The following CPNE4 variants were observed in gnomAD, a reference collection of about 807,000 sequenced individuals.
The protein encoded by CPNE4 is copine-4.
CPNE4 carries 25 observed loss-of-function variants against 67.9 expected under a neutral mutation model. The ratio of observed to expected loss-of-function variants is 0.37; its 90% CI spans 0.27 to 0.51. CPNE4 has a LOEUF of 0.51. CPNE4 is among the 20% of genes least tolerant of loss of function. CPNE4 has a pLI of 0.93. For synonymous variants in CPNE4, 242 were observed against 244.9 expected (o/e 0.99, Z 0.11); for missense variants, 464 against 690.8 (o/e 0.67, Z 3.68).
chr3:131,649,263 G>C (rs1413938107), intron 7 of CPNE4, among the ~76,000 whole-genome samples: 1 of 152,192 alleles, frequency 6.6e-6, no homozygotes, highest in Non-Finnish European at 1.5e-5. Flanking sequence ...CTGATAGATG[G>C]TTCTCACACA....
At position 131,664,050 on chromosome 3, in the gene CPNE4, A is replaced by G. The variant is rs138188877; in HGVS notation, c.681+5625T>C. Among the ~76,000 whole-genome samples, 7 of 152,290 alleles carry G rather than the reference A, an allele frequency of 4.6e-5. No homozygotes were observed. In the East Asian group the frequency reaches 1.3e-3, roughly 29 times the overall value. On this transcript the variant is annotated intron_variant, in intron 7 of 15. Transcript: ENST00000429747. ...ATCAACCATACTCTGATGATGCTTGATGAACTTTGTGTAGGGGAAAGTATC... is the reference window on the plus strand; with the variant it reads ...ATCAACCATACTCTGATGATGCTTGGTGAACTTTGTGTAGGGGAAAGTATC...
intron 1 of CPNE4, among the ~76,000 whole-genome samples, chr3:132,027,908 C>G (rs528012625): frequency 3.3e-5 from 5 of 152,256 alleles, no homozygotes; most frequent in Admixed American, 1.3e-4. Context: ...ATGAAATACA[C>G]CTTTCAATAT....
At chr3:131,676,499 C>T (rs1195666435) in intron 6 of CPNE4, among the ~76,000 whole-genome samples, 1 of 152,014 alleles carries the variant, frequency 6.6e-6, no homozygotes, top group African/African-American at 2.4e-5. Flanking sequence ...GCCTAGTATC[C>T]AATAGTTATT....
At chr3:131,764,598 C>T (rs2082964433) in intron 2 of CPNE4, among the ~76,000 whole-genome samples, 2 of 152,050 alleles carry the variant, frequency 1.3e-5, no homozygotes, top group South Asian at 2.1e-4. Context: ...TACATTGTTA[C>T]ACTCCTCTAT....
chr3:131,789,078 G>A (rs2083644608), intron 2 of CPNE4, among the ~76,000 whole-genome samples: 1 of 150,996 alleles, frequency 6.6e-6, no homozygotes, highest in African/African-American at 2.4e-5. Context: ...TTACATAAGA[G>A]GCTAATAATA....
At chr3:131,781,195 TCAAA>T (rs776220683) in intron 2 of CPNE4, among the ~76,000 whole-genome samples, 2 of 152,106 alleles carry the variant, frequency 1.3e-5, no homozygotes, top group Non-Finnish European at 2.9e-5. Context: ...TACCAAGAAC[TCAAA>T]CAAAGTTTCT....
intron 1 of CPNE4, among the ~76,000 whole-genome samples, chr3:131,961,285 T>A (rs1256502239): frequency 6.6e-6 from 1 of 152,192 alleles, no homozygotes; most frequent in Admixed American, 6.5e-5. Flanking sequence ...AGAATTTAAA[T>A]CTTATATCCT....
intron 1 of CPNE4, among the ~76,000 whole-genome samples, chr3:132,027,289 G>A (rs1312548260): frequency 1.3e-5 from 2 of 152,114 alleles, no homozygotes; most frequent in Admixed American, 1.3e-4. Flanking sequence ...GGCCACCAAC[G>A]AGCTTGAGCA....
chr3:131,584,359 G>A (rs1004063098), intron 8 of CPNE4, among the ~76,000 whole-genome samples: 2 of 152,164 alleles, frequency 1.3e-5, no homozygotes, highest in South Asian at 2.1e-4. Context: ...ACTGGACCTC[G>A]CTACCACAAT....
chr3:131,622,677 C>T (rs1940537796), intron 7 of CPNE4, among the ~76,000 whole-genome samples: 1 of 152,120 alleles, frequency 6.6e-6, no homozygotes, highest in South Asian at 2.1e-4. Flanking sequence ...GTGTTGGCTT[C>T]TATGTATATG....
chr3:131,981,721 G>T (rs114376597), intron 1 of CPNE4, among the ~76,000 whole-genome samples: 341 of 152,328 alleles, frequency 2.2e-3, no homozygotes, highest in African/African-American at 7.9e-3. Flanking sequence ...CCAGGCAGGA[G>T]TGGCCTGCTA....
chr3:131,742,608 T>C (rs1331410110), intron 2 of CPNE4, among the ~76,000 whole-genome samples: 1 of 152,114 alleles, frequency 6.6e-6, no homozygotes, highest in Non-Finnish European at 1.5e-5. Context: ...TATGGAACAT[T>C]TATGTAAATT....
At chr3:131,814,072 A>G (rs1315124675) in intron 2 of CPNE4, among the ~76,000 whole-genome samples, 1 of 152,200 alleles carries the variant, frequency 6.6e-6, no homozygotes, top group African/African-American at 2.4e-5. Context: ...GAACTATATT[A>G]TAACAGACTG....
At chr3:131,865,790 T>C (rs760556117) in intron 2 of CPNE4, among the ~76,000 whole-genome samples, 1 of 152,152 alleles carries the variant, frequency 6.6e-6, no homozygotes, top group Non-Finnish European at 1.5e-5. Context: ...TCCTAGTACA[T>C]AGGTATTTAT....
At chr3:131,641,413 G>A (rs1019730241) in intron 7 of CPNE4, among the ~76,000 whole-genome samples, 1 of 152,116 alleles carries the variant, frequency 6.6e-6, no homozygotes, top group African/African-American at 2.4e-5. Flanking sequence ...ATGGAAAAAT[G>A]CTCAACATCA....
chr3:131,955,069 A>G (rs1198550338), intron 1 of CPNE4, among the ~76,000 whole-genome samples: 1 of 149,438 alleles, frequency 6.7e-6, no homozygotes, highest in African/African-American at 2.4e-5. Context: ...CTTCCCTGTA[A>G]CCATATGGTT....
At chr3:131,657,202 G>A (rs934943647) in intron 7 of CPNE4, among the ~76,000 whole-genome samples, 1 of 152,102 alleles carries the variant, frequency 6.6e-6, no homozygotes, top group Admixed American at 6.5e-5. Context: ...TTTCCTTCTG[G>A]TGTAAAGATG....
At chr3:131,579,096 G>A (rs1328077782) in intron 9 of CPNE4, among the ~76,000 whole-genome samples, 1 of 152,184 alleles carries the variant, frequency 6.6e-6, no homozygotes, top group Non-Finnish European at 1.5e-5. Flanking sequence ...TCAAAGGGCA[G>A]GCTTACTTTC....
intron 2 of CPNE4, among the ~76,000 whole-genome samples, chr3:131,755,026 T>C (rs75121992): frequency 7.6e-4 from 115 of 152,242 alleles, no homozygotes; most frequent in Middle Eastern, 3.4e-3. Context: ...ATATGATAAA[T>C]TGTGTATGTC....
Sources: allele counts gnomAD v4.1 joint callset (sites outside exome capture counted in the v4.1 genomes callset), GRCh38; gene constraint gnomAD v4.1.1; transcripts MANE v1.5; gene names NCBI Gene and HGNC (gene_info 2026-07-23, HGNC 2026-07-21).